TTI2: variants seen among roughly 807,000 people sequenced by gnomAD.
The protein encoded by TTI2 is TELO2-interacting protein 2.
TTI2 carries 26 observed loss-of-function variants against 44.9 expected under a neutral mutation model. That is an observed-to-expected ratio of 0.58 (90% confidence interval 0.42 to 0.80). The LOEUF is 0.80. TTI2 is among the 30% of genes least tolerant of loss of function. The pLI is 0.00. For missense variants in TTI2, 582 were observed against 611.6 expected, an observed-to-expected ratio of 0.95 and a Z score of 0.51; for synonymous variants, 254 against 250.9, an observed-to-expected ratio of 1.01 and a Z score of -0.12.
chr8:33,499,307 A>ATT (rs368990473), intron 7 of TTI2, 30 bp from the exon 8 acceptor site: 141 of 1,227,744 alleles, frequency 1.1e-4, no homozygotes, highest in Admixed American at 2.3e-4. Context: ...AGGCTTTGAT[A>ATT]TTTTTTTTTT....
At chr8:33,501,975 G>A (rs968583800) in intron 6 of TTI2, among the ~76,000 whole-genome samples, 3 of 151,766 alleles carry the variant, frequency 2.0e-5, no homozygotes, top group South Asian at 4.2e-4. Flanking sequence ...ACAGAGTCTC[G>A]CTCCGTCACC....
chr8:33,500,608 A>G, intron 6 of TTI2, 118 bp from the exon 7 acceptor site: 1 of 1,270,264 alleles, frequency 7.9e-7, no homozygotes. Context: ...ACTTAGGTCA[A>G]AGTTAAATGA....
At position 33,512,200 on chromosome 8, in the gene TTI2, T is replaced by C. The variant is rs754700807; in HGVS notation, c.414A>G (p.Ala138=). 31 of 1,614,096 alleles carry C rather than the reference T, an allele frequency of 1.9e-5. No homozygotes were observed. The South Asian group carries it at 2.9e-4, about 15-fold the overall frequency. The change falls in exon 2 of 8, where the codon GCA becomes GCG. Residue 138 remains alanine (A), a synonymous_variant. Coordinates refer to ENST00000431156, the MANE Select transcript of TTI2 (RefSeq NM_001102401.4). The stretch of plus-strand genomic sequence containing the variant: ...CCAAGTGATGCAGGCCCGTCTGCCA[T>C]GCAGGGCCGACCAGGGAATTCTTAG... ...ETAKNSLVGP[A]WQTGLHHLAG...
At chr8:33,509,312 T>C (rs1193025470) in intron 3 of TTI2, among the ~76,000 whole-genome samples, 2 of 150,130 alleles carry the variant, frequency 1.3e-5, no homozygotes, top group African/African-American at 2.4e-5. Flanking sequence ...CAAAAATTAG[T>C]TGGGCATGGT....
chr8:33,512,549 G>A lies in TTI2; in HGVS notation c.65C>T (p.Ser22Phe). 1 of 1,614,116 alleles carries A rather than the reference G, an allele frequency of 6.2e-7. No individual in the cohort carries two copies. Among genetic ancestry groups the A allele is most frequent in the Middle Eastern group, 1.7e-4 (1 of 6,060 alleles). Residue 22 changes from serine to phenylalanine, a missense_variant, in exon 2 of 8, where the codon TCT (serine) becomes TTT (phenylalanine). Transcript: ENST00000431156. The stretch of plus-strand genomic sequence containing the variant: ...GAAGGCCTGTCCAAAGGCGGAGTGA[G>A]ACAACTCCTCGGACAAATTAGAGTC... Reference protein sequence around the residue: ...QEDSNLSEELSHSAFGQAFSK... With the variant: ...QEDSNLSEELFHSAFGQAFSK...
intron 6 of TTI2, among the ~76,000 whole-genome samples, chr8:33,503,128 CAAAAAAAAA>C (rs397973510): frequency 6.3e-5 from 3 of 47,290 alleles, no homozygotes; most frequent in Non-Finnish European, 1.7e-4. Flanking sequence ...GACTCCATTT[CAAAAAAAAA>C]AAAAAAAAAA....
intron 4 of TTI2, among the ~76,000 whole-genome samples, chr8:33,505,841 G>A (rs1809274169): frequency 6.6e-6 from 1 of 152,150 alleles, no homozygotes; most frequent in Non-Finnish European, 1.5e-5. Flanking sequence ...TTTTAGTAGA[G>A]ATGGGATTTC....
At position 33,503,889 on chromosome 8, in the gene TTI2, G is replaced by A; in HGVS notation, c.974C>T (p.Thr325Ile). Residue 325 changes from threonine (T) to isoleucine (I), a missense_variant, in exon 5 of 8, where the codon ACC (threonine) becomes ATC (isoleucine). Transcript: ENST00000431156. ...AGCTCCATCTCCTTTCCAGTGCAGG[G>A]TTTTCTCCAGGATGGGGAATAAATC... The part of the protein sequence containing the change: ...LLDLFPILEK[T>I]LHWKGDGARP... 2 of 1,614,070 alleles carry A rather than the reference G, an allele frequency of 1.2e-6. No homozygotes were observed. The highest frequency in any genetic ancestry group is 1.7e-6 in the Non-Finnish European group (2 of 1,180,026).
At chr8:33,499,507 A>T in intron 7 of TTI2, 1 of 436,112 alleles carries the variant, frequency 2.3e-6, no homozygotes, top group Non-Finnish European at 4.1e-6. Context: ...TGTACTTGCA[A>T]ATCTCCTGCT....
chr8:33,507,091 A>T, intron 4 of TTI2, 138 bp downstream of exon 4: 1 of 746,948 alleles, frequency 1.3e-6, no homozygotes, highest in Non-Finnish European at 2.3e-6. Flanking sequence ...AGATATTTTT[A>T]ACTTGGCAAC....
chr8:33,509,252 T>C (rs1231447722), intron 3 of TTI2, among the ~76,000 whole-genome samples: 3 of 149,154 alleles, frequency 2.0e-5, no homozygotes, highest in Non-Finnish European at 4.4e-5. Flanking sequence ...AGGTCAGGAG[T>C]TGAAGACCGG....
rs746865994 is a variant in TTI2, at chr8:33,499,159, A to G, written c.*14T>C. ...GGAAGAAAATCCTTTCCTCTTGGGAAAGTAATACAAGTCTTAAGTTCCATT... is the reference window on the plus strand; with the variant it reads ...GGAAGAAAATCCTTTCCTCTTGGGAGAGTAATACAAGTCTTAAGTTCCATT... On this transcript the variant is annotated 3_prime_UTR_variant, in exon 8 of 8. Coordinates refer to ENST00000431156, the MANE Select transcript of TTI2 (RefSeq NM_001102401.4). The G allele has an allele frequency of 6.3e-6, 10 of 1,598,208 alleles. No individual in the cohort carries two copies. The African/African-American group carries it at 1.2e-4, about 19-fold the overall frequency.
intron 1 of TTI2, 36 bp from the exon 2 acceptor site, chr8:33,512,748 G>C: frequency 9.8e-7 from 1 of 1,019,492 alleles, no homozygotes; most frequent in South Asian, 1.6e-5. Flanking sequence ...GAGATGTCTT[G>C]GAGGAGGGGG....
intron 6 of TTI2, among the ~76,000 whole-genome samples, chr8:33,502,146 A>G (rs1224482867): frequency 1.3e-5 from 2 of 151,816 alleles, no homozygotes; most frequent in Non-Finnish European, 2.9e-5. Context: ...GTTTCACCAT[A>G]TTGGCCAGGC....
chr8:33,504,068 A>T, intron 4 of TTI2, 133 bp from the exon 5 acceptor site: 1 of 879,212 alleles, frequency 1.1e-6, no homozygotes, highest in Non-Finnish European at 1.8e-6. Flanking sequence ...ACTAGTAATC[A>T]TATATGAACT....
chr8:33,502,136 G>T (rs543080071), intron 6 of TTI2, among the ~76,000 whole-genome samples: 2 of 152,008 alleles, frequency 1.3e-5, no homozygotes, highest in East Asian at 3.9e-4. Flanking sequence ...TAAAGACGGG[G>T]TTTCACCATA....
intron 6 of TTI2, among the ~76,000 whole-genome samples, chr8:33,502,233 C>T (rs559545755): frequency 1.3e-5 from 2 of 152,202 alleles, no homozygotes; most frequent in East Asian, 1.9e-4. Flanking sequence ...CGTGAGCCAC[C>T]GCACCTGGCC....
chr8:33,505,788 T>C (rs945735627), intron 4 of TTI2, among the ~76,000 whole-genome samples: 4 of 152,060 alleles, frequency 2.6e-5, no homozygotes, highest in African/African-American at 7.2e-5. Flanking sequence ...CGAGTAGCTG[T>C]GACTACAGAC....
intron 2 of TTI2, among the ~76,000 whole-genome samples, chr8:33,511,629 T>G (rs150975952): frequency 0.015 from 2,346 of 152,198 alleles, 74 homozygotes; most frequent in African/African-American, 0.053. Context: ...GGCTCACGCC[T>G]GTAATCCCAG....
Sources: allele counts gnomAD v4.1 joint callset (sites outside exome capture counted in the v4.1 genomes callset), GRCh38; gene constraint gnomAD v4.1.1; transcripts MANE v1.5; gene names NCBI Gene and HGNC (gene_info 2026-07-23, HGNC 2026-07-21).